The following SKOR2 variants were observed in gnomAD, a reference collection of about 807,000 sequenced individuals.
The protein encoded by SKOR2 is SKI family transcriptional corepressor 2, also known as LBX1 corepressor 1-like protein.
Under a neutral mutation model 69.1 loss-of-function variants are expected in SKOR2, and 47 were observed. The ratio of observed to expected loss-of-function variants is 0.68; its 90% CI spans 0.54 to 0.87. The LOEUF (loss-of-function observed/expected upper bound fraction) is 0.87. Among genes scored for constraint, SKOR2 ranks in the 40% least tolerant of loss-of-function variants. SKOR2 has a pLI of 0.00. For synonymous variants in SKOR2, 717 were observed against 672.6 expected (o/e 1.07, Z -1.02); for missense variants, 1,404 against 1,472.2 (o/e 0.95, Z 0.76).
rs2064294827 is a variant in SKOR2 at position 47,248,450 on chromosome 18, G to T, written c.734C>A (p.Pro245His). The T allele has an allele frequency of 6.5e-7, 1 of 1,535,516 alleles. No individual in the cohort carries two copies. The highest frequency in any genetic ancestry group is 1.4e-5 in the African/African-American group (1 of 72,992). The part of the protein sequence containing the change: ...FNGGSRKRAL[P>H]QPGAHPACHP... ...GCAGGCGGGGTGCGCGCCCGGCTGG[G>T]GCAGTGCGCGCTTGCGGCTGCCGCC... Residue 245 changes from proline to histidine, a missense_variant, in exon 2 of 9, where the codon CCC becomes CAC. Pro to His is a moderately conservative substitution (Grantham distance 77). This residue lies in a region of SKOR2 where 1,266 missense variants were observed against 1,309.9 expected (regional missense o/e 0.97). Coordinates refer to ENST00000425639, the MANE Select transcript of SKOR2 (RefSeq NM_001278063.4). This position sits in a 1 kb window ranked among gnomAD's most constrained non-coding sequence, Gnocchi z 6.4.
Position 47,247,228 on chromosome 18 carries a change from C to T in SKOR2, c.1956G>A (p.Thr652=), listed in dbSNP as rs2064282318. ...ASAGAPHSAQ[T]HPHHHHHPHH... ...GAGGGTGGTGATGGTGGTGGGGATG[C>T]GTCTGGGCCGAGTGGGGCGCGCCCG... The change falls in exon 2 of 9, where the codon ACG becomes ACA. Residue 652 remains threonine, a synonymous_variant. Coordinates refer to ENST00000425639, the MANE Select transcript of SKOR2 (RefSeq NM_001278063.4). The surrounding 1 kb of genome is among the most constrained non-coding windows in gnomAD (Gnocchi z 6.6). 3 of 1,461,642 alleles carry T rather than the reference C, an allele frequency of 2.1e-6. No homozygotes were observed. The highest frequency in any genetic ancestry group is 2.7e-6 in the Non-Finnish European group (3 of 1,111,464). 90.5% of individuals were successfully genotyped at this position (1,461,642 alleles called of 1,614,324 possible).
At chr18:47,229,954 T>C (rs955859992) in intron 6 of SKOR2, among the ~76,000 whole-genome samples, 9 of 152,150 alleles carry the variant, frequency 5.9e-5, no homozygotes, top group Non-Finnish European at 1.3e-4. Context: ...CTACTAAAAT[T>C]ATAACAATTT....
Position 47,248,695 on chromosome 18 carries a change from G to T in SKOR2, c.489C>A (p.Arg163=). ...TGCACTTGGCGCGCGAGCTGTTGTA[G>T]CGCGCGGGAATGAAGCTGCCGCGGC... The part of the protein sequence containing the change: ...WGCRGSFIPA[R]YNSSRAKCIK... Residue 163 remains arginine (R), a synonymous_variant, in exon 2 of 9, where the codon CGC becomes CGA. Coordinates refer to ENST00000425639, the MANE Select transcript of SKOR2 (RefSeq NM_001278063.4). This position sits in a 1 kb window ranked among gnomAD's most constrained non-coding sequence, Gnocchi z 6.4. The T allele has an allele frequency of 1.3e-6, 2 of 1,563,688 alleles. No homozygotes were observed. Among genetic ancestry groups the T allele is most frequent in the Non-Finnish European group, 1.7e-6 (2 of 1,160,906 alleles).
At position 47,248,753 on chromosome 18, in the gene SKOR2, G is replaced by A. The variant is rs376365161; in HGVS notation, c.431C>T (p.Ala144Val). The stretch of plus-strand genomic sequence containing the variant: ...GGCGCACTCGTGTGACACGTCGAAG[G>A]CGAAATTGTCTGGCAGCTTGGGCGG... Reference protein sequence around the residue: ...NRPPKLPDNFAFDVSHECAWG... With the variant: ...NRPPKLPDNFVFDVSHECAWG... The change falls in exon 2 of 9, where the codon GCC becomes GTC. Residue 144 changes from alanine (A) to valine (V), a missense_variant. By Grantham distance (64) the Ala-to-Val change is moderately conservative (BLOSUM62 0). Around this residue, in one of 3 missense-constraint regions of SKOR2, gnomAD observed 1,266 missense variants for 1,309.9 expected, o/e 0.97. Transcript: ENST00000425639. This position sits in a 1 kb window ranked among gnomAD's most constrained non-coding sequence, Gnocchi z 6.4. 2 of 1,551,392 alleles carry A rather than the reference G, an allele frequency of 1.3e-6. No homozygotes were observed. Among genetic ancestry groups the A allele is most frequent in the Non-Finnish European group, 1.7e-6 (2 of 1,155,158 alleles).
At chr18:47,250,035 A>G (rs2064305882) in intron 1 of SKOR2, among the ~76,000 whole-genome samples, 1 of 152,228 alleles carries the variant, frequency 6.6e-6, no homozygotes, top group South Asian at 2.1e-4. Flanking sequence ...TTCCATGACG[A>G]TAAGAAAGTA....
rs1347562921 is a variant in SKOR2, at chr18:47,249,226, G to A, written c.-43C>T. 2.0e-6 allele frequency: 3 copies of A among 1,509,758 alleles called. No individual in the cohort carries two copies. In the South Asian group the frequency reaches 3.8e-5, roughly 19 times the overall value. The allele number at this position is 1,509,758 out of a possible 1,614,324, so 93.5% of individuals were successfully genotyped here. ...GGGCCGAGCCCTACAGGTCTGCCTTGGACACTGGAAGGGAAAGGAGAAAGC... is the reference window on the plus strand; with the variant it reads ...GGGCCGAGCCCTACAGGTCTGCCTTAGACACTGGAAGGGAAAGGAGAAAGC... On this transcript the variant is annotated 5_prime_UTR_variant, in exon 2 of 9. Coordinates refer to ENST00000425639, the MANE Select transcript of SKOR2 (RefSeq NM_001278063.4).
chr18:47,211,464 T>C (rs1345442791), intron 8 of SKOR2, among the ~76,000 whole-genome samples: 1 of 152,230 alleles, frequency 6.6e-6, no homozygotes, highest in African/African-American at 2.4e-5. Context: ...CTTCGGTATG[T>C]TCTGAATATA....
At position 47,246,639 on chromosome 18, in the gene SKOR2, C is replaced by A; in HGVS notation, c.2545G>T (p.Gly849Cys). 6.6e-7 allele frequency: 1 copy of A among 1,519,572 alleles called. No homozygotes were observed. The highest frequency in any genetic ancestry group is 8.8e-7 in the Non-Finnish European group (1 of 1,140,456). The allele number at this position is 1,519,572 out of a possible 1,614,324, so 94.1% of individuals were successfully genotyped here. A position where few individuals can be genotyped will look rare whatever the true frequency, so the allele number is the denominator to read the frequency against. Residue 849 changes from glycine to cysteine, a missense_variant, in exon 2 of 9, where the codon GGC (glycine) becomes TGC (cysteine). By Grantham distance (159) the Gly-to-Cys change is radical. This residue lies in a region of SKOR2 where 1,266 missense variants were observed against 1,309.9 expected (regional missense o/e 0.97). Transcript: ENST00000425639. Reference protein sequence around the residue: ...PPLAPQKASGGGSSSPGSPVH... With the variant: ...PPLAPQKASGCGSSSPGSPVH... Reference sequence around the variant, plus strand: ...GGGCTGCCCGGGCTGCTGCTGCCGCCGCCACTCGCCTTCTGGGGGGCCAGG... The same window carrying A: ...GGGCTGCCCGGGCTGCTGCTGCCGCAGCCACTCGCCTTCTGGGGGGCCAGG...
intron 3 of SKOR2, 73 bp from the exon 4 acceptor site, chr18:47,245,055 T>C: frequency 7.3e-7 from 1 of 1,373,360 alleles, no homozygotes; most frequent in East Asian, 2.5e-5. Context: ...CCAATTTTTT[T>C]TTTTTTGCAG....
chr18:47,239,958 T>G (rs758027341), intron 4 of SKOR2, among the ~76,000 whole-genome samples: 2 of 140,900 alleles, frequency 1.4e-5, no homozygotes, highest in Non-Finnish European at 3.2e-5. Flanking sequence ...CTTCAAAGAA[T>G]TTTTCTTATT....
chr18:47,231,688 A>T (rs1363301949), intron 4 of SKOR2, among the ~76,000 whole-genome samples: 1 of 152,064 alleles, frequency 6.6e-6, no homozygotes, highest in Admixed American at 6.6e-5. Flanking sequence ...TATGAAAAAT[A>T]CAAAATTAGC....
At chr18:47,220,325 A>G (rs2064157472) in intron 6 of SKOR2, among the ~76,000 whole-genome samples, 1 of 152,118 alleles carries the variant, frequency 6.6e-6, no homozygotes, top group Admixed American at 6.5e-5. Context: ...TGCAAATCAC[A>G]GGTATTGGGA....
Position 47,247,580 on chromosome 18 carries a change from A to C in SKOR2, c.1604T>G (p.Val535Gly), listed in dbSNP as rs1225918170. 1.5e-5 allele frequency: 19 copies of C among 1,252,442 alleles called. No homozygotes were observed. The African/African-American group carries it at 2.0e-4, about 14-fold the overall frequency. 77.6% of individuals were successfully genotyped at this position (1,252,442 alleles called of 1,614,324 possible). ...GCCGGAGCCCGGGCCGTTGGCCACTACCTGCGGGGGCTGCCCCGGCGGGGG... is the reference window on the plus strand; with the variant it reads ...GCCGGAGCCCGGGCCGTTGGCCACTCCCTGCGGGGGCTGCCCCGGCGGGGG... ...AAPPPGQPPQ[V>G]VANGPGSGPP... Residue 535 changes from valine (V) to glycine (G), a missense_variant, in exon 2 of 9, where the codon GTA becomes GGA. Physicochemically the swap from Val to Gly is moderately radical, Grantham distance 109 (BLOSUM62 -3). Transcript: ENST00000425639. This position sits in a 1 kb window ranked among gnomAD's most constrained non-coding sequence, Gnocchi z 6.6.
intron 6 of SKOR2, among the ~76,000 whole-genome samples, chr18:47,220,822 G>C (rs563016971): frequency 6.6e-6 from 1 of 152,230 alleles, no homozygotes; most frequent in African/African-American, 2.4e-5. Flanking sequence ...ATTTCTTATT[G>C]AATTTGTGGT....
chr18:47,233,724 A>T (rs2064208895), intron 4 of SKOR2, among the ~76,000 whole-genome samples: 1 of 152,232 alleles, frequency 6.6e-6, no homozygotes, highest in Non-Finnish European at 1.5e-5. Flanking sequence ...ACTCATTAGT[A>T]TATTTTGTGG....
At chr18:47,213,263 G>A (rs2144476828) in intron 7 of SKOR2, among the ~76,000 whole-genome samples, 1 of 151,672 alleles carries the variant, frequency 6.6e-6, no homozygotes. Context: ...TACATGTAAA[G>A]AATGAATATT....
chr18:47,243,762 G>A (rs938485792), intron 4 of SKOR2, among the ~76,000 whole-genome samples: 78 of 152,218 alleles, frequency 5.1e-4, no homozygotes, highest in African/African-American at 1.8e-3. Context: ...TTTAATATGT[G>A]GAAGTGATAA....
At position 47,249,187 on chromosome 18, in the gene SKOR2, CGCCGCAGAACCCCGGGCCGA is replaced by C. The variant is rs1568092442; in HGVS notation, c.-24_-5del. The C allele has an allele frequency of 2.6e-6, 4 of 1,533,388 alleles. No individual in the cohort carries two copies. The South Asian group carries it at 3.6e-5, about 14-fold the overall frequency. The allele number at this position is 1,533,388 out of a possible 1,614,324, so 95.0% of individuals were successfully genotyped here. The stretch of plus-strand genomic sequence containing the variant: ...CTGGCAGCGGACTGGAAGCCATCTC[CGCCGCAGAACCCCGGGCCGA>C]GCCCTACAGGTCTGCCTTGGACACT... On this transcript the variant is annotated 5_prime_UTR_variant, in exon 2 of 9. Transcript: ENST00000425639.
chr18:47,238,512 A>G (rs569359815), intron 4 of SKOR2, among the ~76,000 whole-genome samples: 8 of 151,768 alleles, frequency 5.3e-5, no homozygotes, highest in Non-Finnish European at 1.2e-4. Flanking sequence ...TAATATAGAC[A>G]GGGTTTTACC....
Sources: allele counts gnomAD v4.1 joint callset (sites outside exome capture counted in the v4.1 genomes callset), GRCh38; gene constraint gnomAD v4.1.1; regional missense constraint gnomAD v4.1.1; non-coding constraint Gnocchi (gnomAD v3.1); transcripts MANE v1.5; gene names NCBI Gene and HGNC (gene_info 2026-07-23, HGNC 2026-07-21).